SMYD3: variants seen among roughly 807,000 people sequenced by gnomAD.
SMYD3 encodes SET and MYND domain containing 3.
A neutral mutation model predicts 57.7 loss-of-function variants in SMYD3; 36 were observed. That is an observed-to-expected ratio of 0.62 (90% confidence interval 0.48 to 0.82). The LOEUF (loss-of-function observed/expected upper bound fraction) is 0.82, where lower values mean the gene tolerates loss of function less well. Ranked by LOEUF, SMYD3 falls within the 40% of genes least tolerant of loss-of-function variation. The pLI is 0.00. For synonymous variants in SMYD3, 211 were observed against 195.0 expected (o/e 1.08, Z -0.68); for missense variants, 515 against 538.8 (o/e 0.96, Z 0.44).
chr1:246,001,890 C>T (rs2059054671), intron 5 of SMYD3, among the ~76,000 whole-genome samples: 1 of 152,106 alleles, frequency 6.6e-6, no homozygotes, highest in Non-Finnish European at 1.5e-5. Context: ...GGATCTCTTT[C>T]CTTTGTTCAG....
intron 5 of SMYD3, among the ~76,000 whole-genome samples, chr1:245,945,510 A>G (rs2057402217): frequency 6.6e-6 from 1 of 152,226 alleles, no homozygotes; most frequent in Non-Finnish European, 1.5e-5. Flanking sequence ...ATGCTTTTAC[A>G]TGGTTGATGA....
At chr1:246,214,550 A>C (rs1478789538) in intron 5 of SMYD3, among the ~76,000 whole-genome samples, 1 of 152,168 alleles carries the variant, frequency 6.6e-6, no homozygotes, top group African/African-American at 2.4e-5. Flanking sequence ...AAAACCAAGG[A>C]ATTTTTAAAA....
intron 8 of SMYD3, among the ~76,000 whole-genome samples, chr1:245,888,290 C>A (rs552082748): frequency 6.6e-6 from 1 of 152,130 alleles, no homozygotes; most frequent in Non-Finnish European, 1.5e-5. Flanking sequence ...TTCTAGAATT[C>A]TACCATCTAA....
intron 5 of SMYD3, among the ~76,000 whole-genome samples, chr1:246,164,698 C>T (rs2062176872): frequency 6.6e-6 from 1 of 152,228 alleles, no homozygotes; most frequent in Non-Finnish European, 1.5e-5. Context: ...ACGTGCCAGG[C>T]ACACAGTCCT....
intron 5 of SMYD3, among the ~76,000 whole-genome samples, chr1:246,140,961 G>A (rs2061744810): frequency 6.6e-6 from 1 of 152,140 alleles, no homozygotes; most frequent in Non-Finnish European, 1.5e-5. Context: ...TATCTTCCTT[G>A]GCAATTCAGG....
intron 5 of SMYD3, among the ~76,000 whole-genome samples, chr1:246,007,188 A>C (rs1368401654): frequency 1.3e-5 from 2 of 152,214 alleles, no homozygotes; most frequent in Admixed American, 1.3e-4. Flanking sequence ...CCCATCCCAC[A>C]GGACCGTAAC....
Position 245,749,406 on chromosome 1 carries a change from G to T in SMYD3, c.*157C>A. The T allele has an allele frequency of 3.6e-6, 2 of 561,412 alleles. No homozygotes were observed. The highest frequency in any genetic ancestry group is 2.7e-5 in the South Asian group (1 of 37,696). 34.8% of individuals were successfully genotyped at this position (561,412 alleles called of 1,614,324 possible). A position where few individuals can be genotyped will look rare whatever the true frequency, so the allele number is the denominator to read the frequency against. ...TGCTTCTCTACAACTAATGATTCTT[G>T]TGGTTTGCAAACCATGTCTGCCTTT... On this transcript the variant is annotated 3_prime_UTR_variant, in exon 12 of 12. Coordinates refer to ENST00000490107, the MANE Select transcript of SMYD3 (RefSeq NM_001167740.2).
chr1:245,772,675 A>AT (rs35641968), intron 10 of SMYD3, among the ~76,000 whole-genome samples: 26,818 of 151,652 alleles, frequency 0.18, 2,522 homozygotes, highest in East Asian at 0.3. Flanking sequence ...ATAAATACAT[A>AT]TTTTTTTTAG....
At chr1:245,841,939 A>G (rs2050422683) in intron 10 of SMYD3, among the ~76,000 whole-genome samples, 1 of 152,192 alleles carries the variant, frequency 6.6e-6, no homozygotes, top group South Asian at 2.1e-4. Context: ...GCACCTATAT[A>G]ATTTTAAATT....
intron 5 of SMYD3, among the ~76,000 whole-genome samples, chr1:246,003,594 AC>A (rs1286679853): frequency 6.6e-6 from 1 of 152,200 alleles, no homozygotes; most frequent in Non-Finnish European, 1.5e-5. Context: ...TCAGCTATCA[AC>A]AAAATTTTCA....
At chr1:245,949,055 C>A (rs1011014159) in intron 5 of SMYD3, among the ~76,000 whole-genome samples, 1 of 152,242 alleles carries the variant, frequency 6.6e-6, no homozygotes, top group Admixed American at 6.5e-5. Flanking sequence ...AAGGACCGGA[C>A]TGCCCAGCCG....
At chr1:246,089,072 G>A (rs1015352783) in intron 5 of SMYD3, among the ~76,000 whole-genome samples, 1 of 152,068 alleles carries the variant, frequency 6.6e-6, no homozygotes, top group African/African-American at 2.4e-5. Flanking sequence ...TGGCCTCCTG[G>A]GTTCAAGAGA....
intron 5 of SMYD3, among the ~76,000 whole-genome samples, chr1:246,299,733 A>G (rs1168147443): frequency 6.6e-6 from 1 of 152,118 alleles, no homozygotes; most frequent in African/African-American, 2.4e-5. Flanking sequence ...ACTAACATAG[A>G]ATAGAAAACC....
intron 7 of SMYD3, among the ~76,000 whole-genome samples, chr1:245,926,741 T>G (rs915689807): frequency 1.3e-5 from 2 of 152,214 alleles, no homozygotes; most frequent in African/African-American, 4.8e-5. Context: ...TGTTTTTTAA[T>G]TTGCAAAAAC....
intron 1 of SMYD3, among the ~76,000 whole-genome samples, chr1:246,462,000 A>G (rs999110257): frequency 1.3e-5 from 2 of 152,232 alleles, no homozygotes; most frequent in Admixed American, 6.5e-5. Context: ...AACACAGAGT[A>G]GAGTACCTAA....
chr1:246,497,769 G>T (rs528717304), intron 1 of SMYD3, among the ~76,000 whole-genome samples: 11 of 152,194 alleles, frequency 7.2e-5, no homozygotes, highest in African/African-American at 2.6e-4. Context: ...TGGAGGCTGA[G>T]GAGGGAGGAT....
chr1:246,353,640 A>G (rs545193039), intron 2 of SMYD3, among the ~76,000 whole-genome samples: 2 of 152,366 alleles, frequency 1.3e-5, no homozygotes, highest in South Asian at 4.1e-4. Flanking sequence ...AGAGCAGTTA[A>G]AAGTCTGAAT....
At chr1:246,417,706 G>A (rs1413163290) in intron 1 of SMYD3, among the ~76,000 whole-genome samples, 4 of 152,272 alleles carry the variant, frequency 2.6e-5, no homozygotes, top group Non-Finnish European at 5.9e-5. Flanking sequence ...ACCTCCAGCA[G>A]TAACCAAGCT....
intron 5 of SMYD3, among the ~76,000 whole-genome samples, chr1:246,222,061 G>A (rs978253156): frequency 1.3e-5 from 2 of 152,146 alleles, no homozygotes; most frequent in Non-Finnish European, 2.9e-5. Context: ...TCTTCAGTAT[G>A]ACTATTTGCC....
Sources: gnomAD v4.1 joint callset for allele counts (sites outside exome capture counted in the v4.1 genomes callset) on GRCh38, gnomAD v4.1.1 for gene constraint, MANE v1.5 for transcripts, NCBI Gene and HGNC (gene_info 2026-07-23, HGNC 2026-07-21) for gene names.